The following MED13 variants were observed in gnomAD, a reference collection of about 807,000 sequenced individuals.
MED13 encodes mediator of RNA polymerase II transcription subunit 13.
Under a neutral mutation model 225.2 loss-of-function variants are expected in MED13, and 23 were observed. That is an observed-to-expected ratio of 0.10 (90% confidence interval 0.07 to 0.14). The LOEUF (loss-of-function observed/expected upper bound fraction) is 0.14. MED13 is among the 10% of genes least tolerant of loss of function. MED13 has a pLI of 1.00. For missense variants in MED13, 2,197 were observed against 2,594.5 expected, an observed-to-expected ratio of 0.85 and a Z score of 3.33; for synonymous variants, 942 against 889.2, an observed-to-expected ratio of 1.06 and a Z score of -1.06.
intron 16 of MED13, among the ~76,000 whole-genome samples, chr17:61,975,092 C>T (rs937224036): frequency 1.3e-5 from 2 of 151,480 alleles, no homozygotes; most frequent in African/African-American, 2.4e-5. Flanking sequence ...TCCCTTGAAT[C>T]CAAGAGTTTG....
intron 3 of MED13, among the ~76,000 whole-genome samples, chr17:62,050,961 C>CAT (rs2143754238): frequency 2.6e-5 from 4 of 151,992 alleles, no homozygotes; most frequent in African/African-American, 4.8e-5. Flanking sequence ...GCTGAGATTG[C>CAT]ACCACTGCAC....
intron 17 of MED13, among the ~76,000 whole-genome samples, chr17:61,972,317 T>G (rs1216516462): frequency 6.6e-6 from 1 of 152,238 alleles, no homozygotes; most frequent in Non-Finnish European, 1.5e-5. Context: ...TAGTTGTAAT[T>G]CTTTTTAAAT....
At chr17:62,048,689 G>A (rs1224971315) in intron 3 of MED13, among the ~76,000 whole-genome samples, 1 of 152,142 alleles carries the variant, frequency 6.6e-6, no homozygotes, top group Admixed American at 6.6e-5. Context: ...ATACCCTCTA[G>A]TCAGAGTACT....
chr17:62,003,206 A>G (rs767655784), intron 9 of MED13, among the ~76,000 whole-genome samples: 1 of 152,186 alleles, frequency 6.6e-6, no homozygotes, highest in Non-Finnish European at 1.5e-5. Context: ...TATTCCATAA[A>G]TGCTTCTTAG....
Position 62,031,587 on chromosome 17 carries a change from T to C in MED13, c.866A>G (p.Asp289Gly). Reference sequence around the variant, plus strand: ...TCCCACAGGGCTAGGAGTAGGAATGTCTGACTGAGGGACTAGAACAAAGCA... The same window carrying C: ...TCCCACAGGGCTAGGAGTAGGAATGCCTGACTGAGGGACTAGAACAAAGCA... ...PACFVLVPQS[D>G]IPTPSPVGST... The change falls in exon 6 of 30, where the codon GAC (aspartate) becomes GGC (glycine). Residue 289 changes from aspartate to glycine, a missense_variant. This residue lies in a region of MED13 where 884 missense variants were observed against 918.5 expected (regional missense o/e 0.96). Coordinates refer to ENST00000397786, the MANE Select transcript of MED13 (RefSeq NM_005121.3). The C allele has an allele frequency of 1.2e-6, 2 of 1,613,030 alleles. No individual in the cohort carries two copies. Among genetic ancestry groups the C allele is most frequent in the South Asian group, 2.2e-5 (2 of 90,900 alleles).
intron 2 of MED13, among the ~76,000 whole-genome samples, chr17:62,060,097 G>A (rs1442121829): frequency 6.6e-6 from 1 of 151,854 alleles, no homozygotes; most frequent in East Asian, 1.9e-4. Context: ...TTCGAGACCA[G>A]CCTGGCGAAC....
At chr17:62,059,443 G>C (rs987524893) in intron 2 of MED13, among the ~76,000 whole-genome samples, 2 of 152,204 alleles carry the variant, frequency 1.3e-5, no homozygotes, top group African/African-American at 4.8e-5. Context: ...GATGTGGTGT[G>C]TGCTGAACCA....
chr17:62,050,386 G>T (rs1179508016), intron 3 of MED13, among the ~76,000 whole-genome samples: 1 of 151,308 alleles, frequency 6.6e-6, no homozygotes, highest in Admixed American at 6.6e-5. Context: ...GAAAAGGAGA[G>T]GGAAAAGAAG....
chr17:62,060,153 T>C (rs1484197899), intron 2 of MED13, among the ~76,000 whole-genome samples: 3 of 151,562 alleles, frequency 2.0e-5, no homozygotes, highest in Admixed American at 2.0e-4. Context: ...ATTAGCCGAG[T>C]GTGGCAGCAT....
intron 11 of MED13, among the ~76,000 whole-genome samples, chr17:61,989,598 A>G (rs1180871206): frequency 6.6e-6 from 1 of 152,228 alleles, no homozygotes; most frequent in Admixed American, 6.5e-5. Flanking sequence ...TTGGCCTCCC[A>G]AAGTGCTCGG....
Position 61,968,086 on chromosome 17 carries a change from G to C in MED13, c.4140C>G (p.Ala1380=), listed in dbSNP as rs767485919. 2 of 1,613,902 alleles carry C rather than the reference G, an allele frequency of 1.2e-6. No individual in the cohort carries two copies. The highest frequency in any genetic ancestry group is 2.2e-5 in the South Asian group (2 of 91,066). ...AAAAGCTTTTTGCTCCATTTAACAA[G>C]GCTTCATTTTCTGGACACAGTACAA... ...AYVVLCPENE[A]LLNGAKSFFR... Residue 1380 remains alanine, a synonymous_variant, in exon 18 of 30, where the codon GCC becomes GCG. Transcript: ENST00000397786.
rs138177636 is a variant in MED13 at position 62,018,575 on chromosome 17, G to A, written c.1284-7342C>T. Among the ~76,000 whole-genome samples the A allele has an allele frequency of 3.3e-3, 499 of 152,196 alleles. 2 individuals carry two copies. The highest frequency in any genetic ancestry group is 0.011 in the African/African-American group (445 of 41,554). On this transcript the variant is annotated intron_variant, in intron 8 of 29. Transcript: ENST00000397786. ...CACACACACAAAAAGTTAGCTGGGC[G>A]TGGTGGCGCATGCCTGTAGTCCCAG...
chr17:62,040,561 G>T lies in MED13; in HGVS notation c.471-4953C>A, dbSNP rs184690050. 2.6e-5 allele frequency among the ~76,000 whole-genome samples: 4 copies of T among 152,256 alleles called. No homozygotes were observed. The East Asian group carries it at 7.7e-4, about 29-fold the overall frequency. Reference sequence around the variant, plus strand: ...CAGTGCCACATCAAACCTATTTCTAGCATTTGTATTAAGCAGCTACAGAAA... The same window carrying T: ...CAGTGCCACATCAAACCTATTTCTATCATTTGTATTAAGCAGCTACAGAAA... On this transcript the variant is annotated intron_variant, in intron 3 of 29. Coordinates refer to ENST00000397786, the MANE Select transcript of MED13 (RefSeq NM_005121.3).
intron 16 of MED13, among the ~76,000 whole-genome samples, chr17:61,978,711 C>A (rs1191946011): frequency 3.9e-5 from 6 of 152,180 alleles, no homozygotes; most frequent in Non-Finnish European, 8.8e-5. Flanking sequence ...CAAACCCAGG[C>A]AGTCTGAGTC....
intron 11 of MED13, among the ~76,000 whole-genome samples, chr17:61,991,795 A>T (rs2080301606): frequency 1.3e-5 from 2 of 152,088 alleles, no homozygotes; most frequent in African/African-American, 4.8e-5. Context: ...GGTGTGAGCC[A>T]CTGTGCCCGG....
chr17:61,960,823 G>A (rs777605821), intron 23 of MED13, 44 bp downstream of exon 23: 4 of 1,346,744 alleles, frequency 3.0e-6, no homozygotes, highest in African/African-American at 2.9e-5. Flanking sequence ...GAAACAAAAT[G>A]TTACAAATGG....
At position 62,029,919 on chromosome 17, in the gene MED13, G is replaced by C. The variant is rs745567405; in HGVS notation, c.1104C>G (p.Pro368=). Residue 368 remains proline, a synonymous_variant, in exon 7 of 30, where the codon CCC becomes CCG. Transcript: ENST00000397786. ...CCACCACATGATTTGCTAATTTTCT[G>C]GGTATTTTCCCACCATGGTGGCTAG... ...DSTSHHGGKI[P]RKLANHVVDR... is the part of the protein sequence containing the mutation. The C allele has an allele frequency of 3.1e-6, 5 of 1,613,892 alleles. No homozygotes were observed. The highest frequency in any genetic ancestry group is 1.7e-5 in the Admixed American group (1 of 59,928).
intron 3 of MED13, among the ~76,000 whole-genome samples, chr17:62,046,076 C>A (rs2080894967): frequency 1.3e-5 from 2 of 152,056 alleles, no homozygotes; most frequent in African/African-American, 2.4e-5. Flanking sequence ...AATACTTATA[C>A]CAAAAGTGAA....
intron 3 of MED13, among the ~76,000 whole-genome samples, chr17:62,049,201 A>G (rs1000880104): frequency 8.5e-5 from 13 of 152,280 alleles, no homozygotes; most frequent in African/African-American, 2.2e-4. Flanking sequence ...AAATCGGAAA[A>G]GAAGAATGAA....
Sources: allele counts gnomAD v4.1 joint callset (sites outside exome capture counted in the v4.1 genomes callset), GRCh38; gene constraint gnomAD v4.1.1; regional missense constraint gnomAD v4.1.1; transcripts MANE v1.5; gene names NCBI Gene and HGNC (gene_info 2026-07-23, HGNC 2026-07-21).